RALYL: variants seen among roughly 807,000 people sequenced by gnomAD.
The protein encoded by RALYL is RNA-binding Raly-like protein.
RALYL carries 29 observed loss-of-function variants against 35.1 expected under a neutral mutation model. The ratio of observed to expected loss-of-function variants is 0.83; its 90% CI spans 0.61 to 1.13. The LOEUF (loss-of-function observed/expected upper bound fraction) is 1.13, where lower values mean the gene tolerates loss of function less well. RALYL is among the 50% of genes most tolerant of loss of function. The pLI is 0.00. For missense variants in RALYL, 359 were observed against 360.4 expected (o/e 1.00, Z 0.03); for synonymous variants, 120 against 127.6 (o/e 0.94, Z 0.40).
At chr8:84,840,896 C>A (rs939213764) in intron 4 of RALYL, among the ~76,000 whole-genome samples, 8 of 152,054 alleles carry the variant, frequency 5.3e-5, no homozygotes, top group African/African-American at 1.4e-4. Flanking sequence ...GAAATAAAAT[C>A]CTTTACAGAC....
intron 4 of RALYL, among the ~76,000 whole-genome samples, chr8:84,838,773 C>T (rs777625969): frequency 9.3e-4 from 141 of 152,264 alleles, no homozygotes; most frequent in Non-Finnish European, 1.5e-3. Context: ...TTCCTGTGTA[C>T]TTTTAAATTC....
At chr8:84,780,873 T>G (rs952991998) in intron 3 of RALYL, among the ~76,000 whole-genome samples, 1 of 152,184 alleles carries the variant, frequency 6.6e-6, no homozygotes, top group African/African-American at 2.4e-5. Context: ...TTGTTTGTTT[T>G]TTAAGACAGG....
At chr8:84,286,999 A>C (rs1275760827) in intron 1 of RALYL, among the ~76,000 whole-genome samples, 1 of 152,184 alleles carries the variant, frequency 6.6e-6, no homozygotes, top group Non-Finnish European at 1.5e-5. Context: ...ATAGAGGACC[A>C]AACTTCTTGT....
At chr8:84,808,504 T>C (rs1825190806) in intron 4 of RALYL, among the ~76,000 whole-genome samples, 1 of 152,174 alleles carries the variant, frequency 6.6e-6, no homozygotes, top group Non-Finnish European at 1.5e-5. Flanking sequence ...TTTGGTTCCA[T>C]ATGAATTTTA....
Position 84,831,982 on chromosome 8 carries a change from T to A in RALYL, c.366-17998T>A, listed in dbSNP as rs571570782. ...CTAGGTATTTTGGGAAAATGGGCAA[T>A]GCAGAAAATCAAGTGCATGTGCCTA... On this transcript the variant is annotated intron_variant, in intron 4 of 8. Coordinates refer to ENST00000521268, the MANE Select transcript of RALYL (RefSeq NM_173848.7). 1.5e-4 allele frequency among the ~76,000 whole-genome samples: 23 copies of A among 152,250 alleles called. No individual in the cohort carries two copies. In the South Asian group the frequency reaches 4.8e-3, roughly 32 times the overall value.
intron 8 of RALYL, chr8:84,906,913 C>A (rs1398595953): frequency 2.0e-6 from 2 of 981,730 alleles, no homozygotes; most frequent in African/African-American, 1.8e-5. Flanking sequence ...CCTTCTAAAC[C>A]TTCGCTGTCT....
intron 1 of RALYL, among the ~76,000 whole-genome samples, chr8:84,379,726 T>C (rs1044403457): frequency 6.6e-6 from 1 of 151,446 alleles, no homozygotes; most frequent in African/African-American, 2.4e-5. Flanking sequence ...TCCAAACATA[T>C]AGAAGTGCAA....
chr8:84,308,053 T>C lies in RALYL; in HGVS notation c.-24+123629T>C, dbSNP rs183926282. Among the ~76,000 whole-genome samples, 11 of 142,726 alleles carry C rather than the reference T, an allele frequency of 7.7e-5. No individual in the cohort carries two copies. In the East Asian group the frequency reaches 1.6e-3, roughly 21 times the overall value. The allele number at this position is 142,726 out of a possible 152,430, so 93.6% of individuals were successfully genotyped here. Reference sequence around the variant, plus strand: ...AAAAAAAAAAATCCCTCTCAGACCATAACTCTGATTCTTTCTAAACAAAAG... The same window carrying C: ...AAAAAAAAAAATCCCTCTCAGACCACAACTCTGATTCTTTCTAAACAAAAG... On this transcript the variant is annotated intron_variant, in intron 1 of 8. Coordinates refer to ENST00000521268, the MANE Select transcript of RALYL (RefSeq NM_173848.7).
At chr8:84,433,436 G>A (rs1342042118) in intron 1 of RALYL, among the ~76,000 whole-genome samples, 3 of 152,008 alleles carry the variant, frequency 2.0e-5, no homozygotes, top group Non-Finnish European at 2.9e-5. Flanking sequence ...AAAACAGGAC[G>A]ATGTTTGATA....
At chr8:84,327,121 A>G (rs894016057) in intron 1 of RALYL, among the ~76,000 whole-genome samples, 1 of 152,030 alleles carries the variant, frequency 6.6e-6, no homozygotes, top group Non-Finnish European at 1.5e-5. Flanking sequence ...ATTTATTGTG[A>G]AAGGGGGTGG....
At chr8:84,867,555 G>A (rs1839394221) in intron 6 of RALYL, among the ~76,000 whole-genome samples, 1 of 152,132 alleles carries the variant, frequency 6.6e-6, no homozygotes, top group Non-Finnish European at 1.5e-5. Context: ...GAAACAAGGG[G>A]ACAAATTCTG....
intron 1 of RALYL, among the ~76,000 whole-genome samples, chr8:84,235,765 T>TC (rs1826388613): frequency 6.7e-6 from 1 of 149,124 alleles, no homozygotes; most frequent in East Asian, 1.9e-4. Flanking sequence ...CTTTTTCTTT[T>TC]TCTTTTTTTT....
intron 3 of RALYL, among the ~76,000 whole-genome samples, chr8:84,789,902 G>T (rs888930820): frequency 6.6e-6 from 1 of 152,036 alleles, no homozygotes; most frequent in African/African-American, 2.4e-5. Flanking sequence ...TAGAAAAGTT[G>T]CAATATTTGG....
chr8:84,811,341 C>A (rs1421748059), intron 4 of RALYL, among the ~76,000 whole-genome samples: 4 of 152,092 alleles, frequency 2.6e-5, no homozygotes, highest in Non-Finnish European at 5.9e-5. Flanking sequence ...GAAGATAGGA[C>A]CCCAATCCCT....
At chr8:84,333,570 A>G (rs1375030210) in intron 1 of RALYL, among the ~76,000 whole-genome samples, 1 of 152,132 alleles carries the variant, frequency 6.6e-6, no homozygotes, top group Non-Finnish European at 1.5e-5. Flanking sequence ...AAAGGAATTT[A>G]CCTTATCTTC....
intron 1 of RALYL, among the ~76,000 whole-genome samples, chr8:84,346,678 A>G (rs1849894689): frequency 6.6e-6 from 1 of 152,078 alleles, no homozygotes; most frequent in Non-Finnish European, 1.5e-5. Flanking sequence ...CATGTTGGCC[A>G]GGCTGGTCTC....
intron 4 of RALYL, among the ~76,000 whole-genome samples, chr8:84,833,521 C>T (rs1364991453): frequency 6.6e-6 from 1 of 151,634 alleles, no homozygotes; most frequent in Non-Finnish European, 1.5e-5. Flanking sequence ...ACCTGTAGTC[C>T]CAGCTACTCG....
intron 4 of RALYL, among the ~76,000 whole-genome samples, chr8:84,813,893 C>G (rs545645337): frequency 7.3e-5 from 11 of 150,462 alleles, no homozygotes; most frequent in African/African-American, 2.7e-4. Flanking sequence ...TCTCCTAATG[C>G]TACCCCTCCC....
intron 3 of RALYL, among the ~76,000 whole-genome samples, chr8:84,800,595 T>G (rs1314070165): frequency 1.3e-5 from 2 of 152,128 alleles, no homozygotes; most frequent in African/African-American, 4.8e-5. Context: ...GAATGAAGTA[T>G]TATTAAATTC....
Sources: allele counts gnomAD v4.1 joint callset (sites outside exome capture counted in the v4.1 genomes callset), GRCh38; gene constraint gnomAD v4.1.1; transcripts MANE v1.5; gene names NCBI Gene and HGNC (gene_info 2026-07-23, HGNC 2026-07-21).